Variants in ZBTB38 observed in about 807,000 individuals in gnomAD.
ZBTB38 encodes zinc finger and BTB domain containing 38, also known as zinc finger and BTB domain-containing protein 38.
In ZBTB38, 20 loss-of-function variants were observed where a neutral mutation model predicts 76.8. That is an observed-to-expected ratio of 0.26 (90% CI 0.18 to 0.38). The LOEUF is 0.38. ZBTB38 is among the 10% of genes least tolerant of loss of function. The pLI is 1.00. For synonymous variants in ZBTB38, 504 were observed against 544.2 expected (o/e 0.93, Z 1.03); for missense variants, 1,082 against 1,482.3 (o/e 0.73, Z 4.43).
At chr3:141,354,449 C>A (rs1231026843) in intron 1 of ZBTB38, among the ~76,000 whole-genome samples, 2 of 152,120 alleles carry the variant, frequency 1.3e-5, no homozygotes, top group African/African-American at 4.8e-5. Context: ...CAGCCAGCTT[C>A]TTCTTCCCTG....
chr3:141,431,338 AAAAAT>A (rs2077482702), intron 5 of ZBTB38, among the ~76,000 whole-genome samples: 1 of 123,290 alleles, frequency 8.1e-6, no homozygotes, highest in Non-Finnish European at 1.7e-5. Context: ...AAAAAAAAAA[AAAAAT>A]ATATATATAT....
intron 1 of ZBTB38, among the ~76,000 whole-genome samples, chr3:141,352,510 C>A (rs1426858861): frequency 2.6e-5 from 4 of 151,852 alleles, no homozygotes; most frequent in East Asian, 1.9e-4. Context: ...AGTAAGCAGG[C>A]AAGAACAGAT....
chr3:141,383,552 G>A (rs977360992), intron 3 of ZBTB38: 2 of 152,050 alleles, frequency 1.3e-5, no homozygotes, highest in African/African-American at 4.8e-5. Context: ...TATTCCTCTG[G>A]GACTCAGTGC....
chr3:141,334,175 C>A (rs1942938406), intron 1 of ZBTB38, among the ~76,000 whole-genome samples: 1 of 150,856 alleles, frequency 6.6e-6, no homozygotes, highest in Admixed American at 6.6e-5. Flanking sequence ...GGTTTGCATT[C>A]AGGATCATGT....
At chr3:141,363,899 T>C (rs201980022), upstream of ZBTB38, among the ~76,000 whole-genome samples, 1 of 152,164 alleles carries the variant, frequency 6.6e-6, no homozygotes, top group East Asian at 1.9e-4. Context: ...GGTGTAAATC[T>C]TCATGACCTT....
At chr3:141,332,177 G>A (rs1211722764) in intron 1 of ZBTB38, among the ~76,000 whole-genome samples, 2 of 152,028 alleles carry the variant, frequency 1.3e-5, no homozygotes, top group Non-Finnish European at 2.9e-5. Flanking sequence ...GCTCTTGATG[G>A]CCTCTGAAAT....
chr3:141,432,038 G>A (rs2077728037), intron 5 of ZBTB38: 1 of 959,530 alleles, frequency 1.0e-6, no homozygotes, highest in Admixed American at 6.2e-5. Flanking sequence ...CACGTGAGGA[G>A]GTCTGACGTA....
intron 5 of ZBTB38, among the ~76,000 whole-genome samples, chr3:141,409,325 C>T (rs1039789007): frequency 1.2e-4 from 19 of 152,156 alleles, no homozygotes; most frequent in Non-Finnish European, 2.2e-4. Flanking sequence ...AGATTACAGA[C>T]GTGAGCCACC....
chr3:141,334,017 A>G (rs1189732390), intron 1 of ZBTB38, among the ~76,000 whole-genome samples: 1 of 152,154 alleles, frequency 6.6e-6, no homozygotes, highest in Non-Finnish European at 1.5e-5. Context: ...ACACAGGGAA[A>G]TACATGGAAT....
chr3:141,382,165 G>GAATC, intron 3 of ZBTB38, among the ~76,000 whole-genome samples: 1 of 152,268 alleles, frequency 6.6e-6, no homozygotes, highest in Admixed American at 6.5e-5. Context: ...TGAGGCGGGA[G>GAATC]AATCGACTGA....
intron 5 of ZBTB38, among the ~76,000 whole-genome samples, chr3:141,419,568 A>G (rs1343814452): frequency 1.3e-5 from 2 of 152,230 alleles, no homozygotes; most frequent in Non-Finnish European, 2.9e-5. Flanking sequence ...TTCCAGTGAC[A>G]TGTGATGTGG....
At position 141,442,783 on chromosome 3, in the gene ZBTB38, G is replaced by T; in HGVS notation, c.395G>T (p.Gly132Val). The T allele has an allele frequency of 6.2e-7, 1 of 1,614,042 alleles. No homozygotes were observed. Among genetic ancestry groups the T allele is most frequent in the Non-Finnish European group, 8.5e-7 (1 of 1,180,010 alleles). ...LTDRNFSNSP[G>V]PYVFCITEKG... ...GATCGCAACTTCTCAAATTCCCCGG[G>T]TCCCTATGTATTCTGTATTACTGAA... Residue 132 changes from glycine to valine, a missense_variant, in exon 6 of 6, where the codon GGT becomes GTT. Transcript: ENST00000321464. This position sits in a 1 kb window ranked among gnomAD's most constrained non-coding sequence, Gnocchi z 6.4.
chr3:141,413,306 G>C lies in ZBTB38; in HGVS notation c.-1+9275G>C, dbSNP rs1464322083. 6.6e-6 allele frequency among the ~76,000 whole-genome samples: 1 copy of C among 152,156 alleles called. No individual in the cohort carries two copies. The highest frequency in any genetic ancestry group is 1.9e-4 in the East Asian group (1 of 5,200). On this transcript the variant is annotated intron_variant, in intron 5 of 5. Transcript: ENST00000321464. This position sits in a 1 kb window ranked among gnomAD's most constrained non-coding sequence, Gnocchi z 4.1. ...GCAGGAGGTCCTCACACCCCAGACG[G>C]TCAGAATGCTCCCCAGACTGAGGAA...
rs112308661 is a variant in ZBTB38 at position 141,345,541 on chromosome 3, T to C, written c.-739+21085T>C. Among the ~76,000 whole-genome samples the C allele has an allele frequency of 4.2e-3, 642 of 152,282 alleles. 4 individuals carry two copies. Among genetic ancestry groups the C allele is most frequent in the African/African-American group, 0.013 (541 of 41,558 alleles). On this transcript the variant is annotated intron_variant, in intron 1 of 7. Transcript: ENST00000509842. ...ATTTGCATGTGAGATTCATAGTGCT[T>C]CTGCTAATTCAACTTTGACCCTATT...
chr3:141,399,485 G>C (rs561121690), intron 4 of ZBTB38, among the ~76,000 whole-genome samples: 7 of 152,268 alleles, frequency 4.6e-5, no homozygotes, highest in African/African-American at 1.7e-4. Flanking sequence ...ATGTAGTAGA[G>C]ATGAGAAAAA....
chr3:141,375,191 T>C (rs904509487), intron 2 of ZBTB38, among the ~76,000 whole-genome samples: 17 of 152,352 alleles, frequency 1.1e-4, no homozygotes, highest in African/African-American at 3.6e-4. Context: ...AACTGTAATA[T>C]GATGTAGTAA....
intron 5 of ZBTB38, among the ~76,000 whole-genome samples, chr3:141,428,864 T>G (rs1233963609): frequency 6.6e-6 from 1 of 152,198 alleles, no homozygotes; most frequent in African/African-American, 2.4e-5. Context: ...AACTTGAAAT[T>G]TATCTGATAA....
intron 5 of ZBTB38, among the ~76,000 whole-genome samples, chr3:141,440,751 A>G (rs2079951553): frequency 1.3e-5 from 2 of 152,104 alleles, no homozygotes; most frequent in South Asian, 4.1e-4. Context: ...CTTTAAAAGA[A>G]AAGGCTGGGT....
chr3:141,341,570 C>T (rs1307839310), intron 1 of ZBTB38, among the ~76,000 whole-genome samples: 1 of 152,164 alleles, frequency 6.6e-6, no homozygotes, highest in East Asian at 1.9e-4. Context: ...AGGGCAGAAT[C>T]CTGTGAAGCA....
Sources: allele counts gnomAD v4.1 joint callset (sites outside exome capture counted in the v4.1 genomes callset), GRCh38; gene constraint gnomAD v4.1.1; non-coding constraint Gnocchi (gnomAD v3.1); transcripts MANE v1.5; gene names NCBI Gene and HGNC (gene_info 2026-07-23, HGNC 2026-07-21).